Variants in FLT3 observed in about 807,000 individuals in gnomAD.
FLT3 encodes receptor-type tyrosine-protein kinase FLT3.
A neutral mutation model predicts 126.6 loss-of-function variants in FLT3; 46 were observed. That is an observed-to-expected ratio of 0.36 (90% CI 0.29 to 0.46). The LOEUF is 0.46. Among genes scored for constraint, FLT3 ranks in the 20% least tolerant of loss-of-function variants. The pLI is 1.00. For synonymous variants in FLT3, 404 were observed against 434.4 expected (o/e 0.93, Z 0.87); for missense variants, 1,069 against 1,190.3 (o/e 0.90, Z 1.50).
chr13:28,086,619 CGT>C (rs35797346), intron 1 of FLT3, among the ~76,000 whole-genome samples: 22,829 of 134,412 alleles, frequency 0.17, 1,779 homozygotes, highest in Middle Eastern at 0.26. Context: ...CTGAAGAACT[CGT>C]GTGTGTGTGT....
chr13:28,099,194 G>A (rs1879663340), intron 1 of FLT3, among the ~76,000 whole-genome samples: 1 of 152,146 alleles, frequency 6.6e-6, no homozygotes, highest in Non-Finnish European at 1.5e-5. Context: ...AAGTATTGAT[G>A]CTTATACCTT....
At chr13:28,098,783 T>TA (rs56095317) in intron 1 of FLT3, among the ~76,000 whole-genome samples, 27,654 of 146,828 alleles carry the variant, frequency 0.19, 4,687 homozygotes, top group African/African-American at 0.46. Context: ...TACCAGCAAT[T>TA]AAAAAAAAAA....
In FLT3 at chr13:28,005,095, C is replaced by T. The variant is rs535754351; in HGVS notation, c.2860-921G>A. Among the ~76,000 whole-genome samples, 9 of 152,278 alleles carry T rather than the reference C, an allele frequency of 5.9e-5. 1 individual carries two copies. Among genetic ancestry groups the T allele is most frequent in the South Asian group, 2.1e-4 (1 of 4,824 alleles). ...CTGTAATCCCAGCACTTTGGGATGC[C>T]GAGGCGGGCGGATCACCTGGGGTTG... is the stretch of plus-strand genomic sequence containing the variant. On this transcript the variant is annotated intron_variant, in intron 23 of 23. Transcript: ENST00000241453.
chr13:28,033,662 A>G (rs1341170512), intron 15 of FLT3, among the ~76,000 whole-genome samples: 4 of 152,192 alleles, frequency 2.6e-5, no homozygotes, highest in African/African-American at 9.7e-5. Context: ...ATAAAAGAAA[A>G]TAAAAATAAA....
intron 1 of FLT3, among the ~76,000 whole-genome samples, chr13:28,083,931 T>C (rs999814688): frequency 4.6e-5 from 7 of 152,276 alleles, no homozygotes; most frequent in African/African-American, 1.2e-4. Flanking sequence ...TGTTCTTAGT[T>C]TTATTGTTTT....
At chr13:28,063,549 C>T (rs982721644) in intron 2 of FLT3, among the ~76,000 whole-genome samples, 3 of 152,162 alleles carry the variant, frequency 2.0e-5, no homozygotes, top group African/African-American at 7.2e-5. Flanking sequence ...GCTGTGGAGT[C>T]CCCCACCTCC....
chr13:28,031,236 A>G (rs1272270479), intron 15 of FLT3, among the ~76,000 whole-genome samples: 1 of 151,428 alleles, frequency 6.6e-6, no homozygotes, highest in Non-Finnish European at 1.5e-5. Context: ...TCAAAAAAAG[A>G]AGAAAAAATG....
At chr13:28,084,784 G>T (rs1878544475) in intron 1 of FLT3, among the ~76,000 whole-genome samples, 2 of 151,958 alleles carry the variant, frequency 1.3e-5, no homozygotes, top group Admixed American at 6.6e-5. Flanking sequence ...GACCATCCTG[G>T]CTAACACGGT....
At chr13:28,096,829 G>C (rs1324360856) in intron 1 of FLT3, among the ~76,000 whole-genome samples, 2 of 152,076 alleles carry the variant, frequency 1.3e-5, no homozygotes, top group Non-Finnish European at 2.9e-5. Flanking sequence ...CCTGGGGAAA[G>C]GCAATGACCA....
chr13:28,005,105 G>A (rs1055260330), intron 23 of FLT3, among the ~76,000 whole-genome samples: 88 of 152,186 alleles, frequency 5.8e-4, no homozygotes, highest in Admixed American at 4.6e-3. Context: ...CGAGGCGGGC[G>A]GATCACCTGG....
chr13:28,059,056 G>A (rs979035377), intron 3 of FLT3, among the ~76,000 whole-genome samples: 15 of 152,126 alleles, frequency 9.9e-5, no homozygotes, highest in African/African-American at 3.4e-4. Flanking sequence ...CAAGAAGTGA[G>A]TAATACAATC....
intron 3 of FLT3, among the ~76,000 whole-genome samples, chr13:28,058,351 A>G (rs867567243): frequency 2.0e-5 from 3 of 151,770 alleles, no homozygotes; most frequent in Non-Finnish European, 2.9e-5. Context: ...CCTGTCTACT[A>G]AAAATACAAA....
intron 1 of FLT3, among the ~76,000 whole-genome samples, chr13:28,075,989 G>A (rs1287909406): frequency 6.6e-6 from 1 of 151,872 alleles, no homozygotes; most frequent in Non-Finnish European, 1.5e-5. Flanking sequence ...TAGAAGTGAG[G>A]GTCCCCCATG....
chr13:28,095,263 C>T (rs1405369990), intron 1 of FLT3, among the ~76,000 whole-genome samples: 1 of 152,080 alleles, frequency 6.6e-6, no homozygotes, highest in Admixed American at 6.6e-5. Context: ...AGCCAATTTC[C>T]AGCCCTTCAG....
intron 1 of FLT3, among the ~76,000 whole-genome samples, chr13:28,082,780 T>C (rs532724731): frequency 8.7e-4 from 132 of 152,292 alleles, no homozygotes; most frequent in African/African-American, 3.1e-3. Flanking sequence ...CTCAGCTCAC[T>C]GCAAGCTTTG....
intron 9 of FLT3, among the ~76,000 whole-genome samples, chr13:28,039,961 T>C (rs1189208496): frequency 1.3e-5 from 2 of 152,154 alleles, no homozygotes; most frequent in African/African-American, 4.8e-5. Context: ...CCCAAAGTGC[T>C]GGGATAACAG....
At chr13:28,084,992 AAT>A (rs1555262469) in intron 1 of FLT3, among the ~76,000 whole-genome samples, 2 of 116,078 alleles carry the variant, frequency 1.7e-5, no homozygotes, top group Non-Finnish European at 3.9e-5. Flanking sequence ...AAAAAAAAAA[AAT>A]TCACTGACAC....
chr13:28,065,831 G>GTAATAATAATAATAA (rs59880929), intron 2 of FLT3, among the ~76,000 whole-genome samples: 26 of 126,920 alleles, frequency 2.0e-4, no homozygotes, highest in African/African-American at 7.7e-4. Context: ...TTGTCTCAAA[G>GTAATAATAATAATAA]TAATAATAAT....
rs73439107 is a variant in FLT3 at position 28,044,691 on chromosome 13, G to A, written c.1205+3584C>T. 9.0e-3 allele frequency among the ~76,000 whole-genome samples: 1,371 copies of A among 152,212 alleles called. 23 individuals are homozygous for A. The highest frequency in any genetic ancestry group is 0.031 in the African/African-American group (1,300 of 41,538). ...TGTCGTCAGTGGCCCATAACACCTG[G>A]TACATTATCAGTACCAACAATGCAC... On this transcript the variant is annotated intron_variant, in intron 9 of 23. Transcript: ENST00000241453.
Sources: gnomAD v4.1 joint callset for allele counts (sites outside exome capture counted in the v4.1 genomes callset) on GRCh38, gnomAD v4.1.1 for gene constraint, MANE v1.5 for transcripts, NCBI Gene and HGNC (gene_info 2026-07-23, HGNC 2026-07-21) for gene names.